Variants in GRM5 observed in about 807,000 individuals in gnomAD.
GRM5 encodes the protein glutamate metabotropic receptor 5, also known as metabotropic glutamate receptor 5.
A neutral mutation model predicts 83.1 loss-of-function variants in GRM5; 19 were observed. The observed-to-expected ratio is 0.23, with a 90% CI of 0.16 to 0.34. The LOEUF (loss-of-function observed/expected upper bound fraction) is 0.34. Among genes scored for constraint, GRM5 ranks in the 10% least tolerant of loss-of-function variants. The pLI is 1.00. For missense variants in GRM5, 1,160 were observed against 1,588.3 expected (o/e 0.73, Z 4.58); for synonymous variants, 675 against 633.6 (o/e 1.07, Z -0.98).
chr11:88,676,252 G>A, intron 3 of GRM5, among the ~76,000 whole-genome samples: 1 of 151,938 alleles, frequency 6.6e-6, no homozygotes, highest in Non-Finnish European at 1.5e-5. Context: ...CACTTCCAGA[G>A]AAACTGAGTG....
At chr11:88,791,992 TGTAAAAGCTAGGTA>T (rs1458343463) in intron 3 of GRM5, among the ~76,000 whole-genome samples, 4 of 152,084 alleles carry the variant, frequency 2.6e-5, no homozygotes, top group Admixed American at 1.3e-4. Flanking sequence ...CCTAGGTCAA[TGTAAAAGCTAGGTA>T]GTAGAACATG....
At chr11:88,956,174 TG>T (rs1320405412) in intron 2 of GRM5, among the ~76,000 whole-genome samples, 1 of 152,190 alleles carries the variant, frequency 6.6e-6, no homozygotes, top group Non-Finnish European at 1.5e-5. Flanking sequence ...TTGAAAATTT[TG>T]TCGGAATAAA....
At chr11:88,778,512 C>T (rs564962922) in intron 3 of GRM5, among the ~76,000 whole-genome samples, 1 of 152,306 alleles carries the variant, frequency 6.6e-6, no homozygotes, top group African/African-American at 2.4e-5. Flanking sequence ...GTTGGAAATG[C>T]AGAAATCACC....
chr11:89,033,874 A>T (rs1941322518), intron 2 of GRM5, among the ~76,000 whole-genome samples: 1 of 151,968 alleles, frequency 6.6e-6, no homozygotes, highest in Admixed American at 6.6e-5. Flanking sequence ...AAAAACAGGA[A>T]TAAAAATAAG....
intron 3 of GRM5, among the ~76,000 whole-genome samples, chr11:88,753,098 T>C (rs1942316705): frequency 6.6e-6 from 1 of 151,950 alleles, no homozygotes; most frequent in South Asian, 2.1e-4. Flanking sequence ...AAAGCAAAAA[T>C]TGACAAATAG....
At chr11:88,937,060 G>A (rs1229216377) in intron 2 of GRM5, among the ~76,000 whole-genome samples, 1 of 151,614 alleles carries the variant, frequency 6.6e-6, no homozygotes, top group Non-Finnish European at 1.5e-5. Flanking sequence ...AAGTAGCATT[G>A]TTGAGAGTAA....
chr11:88,986,250 A>G (rs1215353141), intron 2 of GRM5, among the ~76,000 whole-genome samples: 3 of 152,208 alleles, frequency 2.0e-5, no homozygotes, highest in Non-Finnish European at 4.4e-5. Flanking sequence ...GCCAAAGGTC[A>G]TATATTGTAT....
intron 3 of GRM5, among the ~76,000 whole-genome samples, chr11:88,675,423 A>G (rs1451421898): frequency 6.6e-6 from 1 of 151,972 alleles, no homozygotes; most frequent in Non-Finnish European, 1.5e-5. Flanking sequence ...TTAAATGAGT[A>G]AGGATCTTTG....
At chr11:88,626,751 G>A (rs12786297) in intron 4 of GRM5, among the ~76,000 whole-genome samples, 18,257 of 152,150 alleles carry the variant, frequency 0.12, 1,454 homozygotes, top group Non-Finnish European at 0.18. Context: ...GCTAATGAGG[G>A]TAGCCTGTTC....
intron 2 of GRM5, among the ~76,000 whole-genome samples, chr11:88,851,327 A>G (rs983518787): frequency 6.6e-6 from 1 of 152,214 alleles, no homozygotes; most frequent in Admixed American, 6.5e-5. Context: ...ACCAAGCTGT[A>G]GAACATATAA....
intron 5 of GRM5, among the ~76,000 whole-genome samples, chr11:88,602,392 A>G (rs958051019): frequency 6.6e-6 from 1 of 152,168 alleles, no homozygotes; most frequent in African/African-American, 2.4e-5. Flanking sequence ...TTTAAAAACA[A>G]TGATTAAAAC....
intron 4 of GRM5, among the ~76,000 whole-genome samples, chr11:88,645,821 G>A (rs1480504414): frequency 6.6e-6 from 1 of 151,854 alleles, no homozygotes; most frequent in South Asian, 2.1e-4. Flanking sequence ...GAAAAGGAGG[G>A]AACAGAAGTA....
At chr11:88,573,699 T>C (rs1407836196) in intron 7 of GRM5, among the ~76,000 whole-genome samples, 1 of 152,226 alleles carries the variant, frequency 6.6e-6, no homozygotes, top group Non-Finnish European at 1.5e-5. Flanking sequence ...GGTTTCCTCT[T>C]TGATATTTGA....
At chr11:88,951,807 T>C (rs1938473924) in intron 2 of GRM5, among the ~76,000 whole-genome samples, 1 of 152,230 alleles carries the variant, frequency 6.6e-6, no homozygotes, top group Non-Finnish European at 1.5e-5. Context: ...TACTAATGAC[T>C]GATTCTGGCA....
At chr11:88,789,352 CAAAGAAAAAAAAGAAA>C (rs1943129088) in intron 3 of GRM5, among the ~76,000 whole-genome samples, 1 of 144,418 alleles carries the variant, frequency 6.9e-6, no homozygotes, top group Non-Finnish European at 1.5e-5. Context: ...AACATAAAAG[CAAAGAAAAAAAAGAAA>C]AAAGAAAAAA....
chr11:88,915,986 G>C (rs1945584108), intron 2 of GRM5, among the ~76,000 whole-genome samples: 1 of 152,070 alleles, frequency 6.6e-6, no homozygotes. Flanking sequence ...ATCCTGAAAG[G>C]CTATGGTCAC....
intron 2 of GRM5, among the ~76,000 whole-genome samples, chr11:88,998,016 CAA>C (rs150943812): frequency 7.4e-5 from 10 of 135,582 alleles, no homozygotes; most frequent in Admixed American, 3.1e-4. Context: ...AAACTAATAA[CAA>C]AAAAAAATGA....
intron 3 of GRM5, among the ~76,000 whole-genome samples, chr11:88,673,413 G>C (rs1940240914): frequency 6.6e-6 from 1 of 151,856 alleles, no homozygotes; most frequent in South Asian, 2.1e-4. Context: ...TCTTGGGGAA[G>C]TTTAGTTTTA....
chr11:88,951,231 C>T (rs672004), intron 2 of GRM5, among the ~76,000 whole-genome samples: 146,976 of 152,298 alleles, frequency 0.97, 71,141 homozygotes, highest in East Asian at 1. Flanking sequence ...TCAGAATCAA[C>T]TCCATTTCCA....
Sources: gnomAD v4.1 joint callset for allele counts (sites outside exome capture counted in the v4.1 genomes callset) on GRCh38, gnomAD v4.1.1 for gene constraint, MANE v1.5 for transcripts, NCBI Gene and HGNC (gene_info 2026-07-23, HGNC 2026-07-21) for gene names.